The following RNF213 variants were observed in gnomAD, a reference collection of about 807,000 sequenced individuals.
RNF213 encodes E3 ubiquitin-protein ligase RNF213.
RNF213 carries 341 observed loss-of-function variants against 514.4 expected under a neutral mutation model. The observed-to-expected ratio is 0.66, with a 90% confidence interval of 0.61 to 0.73. The LOEUF is 0.73. RNF213 is among the 30% of genes least tolerant of loss of function. The pLI is 0.00. For synonymous variants in RNF213, 2,655 were observed against 2,658.2 expected (o/e 1.00, Z 0.04); for missense variants, 5,767 against 6,615.6 (o/e 0.87, Z 4.45).
At chr17:80,310,267 T>C (rs2045522195) in intron 14 of RNF213, among the ~76,000 whole-genome samples, 2 of 152,090 alleles carry the variant, frequency 1.3e-5, no homozygotes, top group Admixed American at 1.3e-4. Flanking sequence ...TGTTTGTTTT[T>C]TTGAGATGGA....
intron 2 of RNF213, among the ~76,000 whole-genome samples, chr17:80,272,887 G>A (rs896722202): frequency 2.0e-5 from 3 of 152,194 alleles, no homozygotes; most frequent in Non-Finnish European, 4.4e-5. Flanking sequence ...AATGTCTACA[G>A]TAGGGGAGGA....
At chr17:80,282,468 G>A (rs1357250671) in intron 3 of RNF213, among the ~76,000 whole-genome samples, 1 of 151,876 alleles carries the variant, frequency 6.6e-6, no homozygotes, top group Non-Finnish European at 1.5e-5. Flanking sequence ...GCACAATCTC[G>A]GCTCACTGCA....
chr17:80,332,703 T>C, intron 21 of RNF213, 72 bp downstream of exon 21: 1 of 1,431,770 alleles, frequency 7.0e-7, no homozygotes, highest in Non-Finnish European at 9.1e-7. Context: ...AGCCATGGGC[T>C]TTGTGGCTTT....
intron 51 of RNF213, 49 bp downstream of exon 51, chr17:80,375,919 G>A (rs2079737857): frequency 7.8e-7 from 1 of 1,274,948 alleles, no homozygotes; most frequent in Admixed American, 1.7e-5. Flanking sequence ...TATTTGGAGG[G>A]ATTTTATTGA....
chr17:80,340,531 G>C, intron 26 of RNF213, 175 bp downstream of exon 26: 1 of 621,800 alleles, frequency 1.6e-6, no homozygotes, highest in Non-Finnish European at 2.8e-6. Context: ...CTGGTCACCT[G>C]GTCTCCCACA....
intron 3 of RNF213, among the ~76,000 whole-genome samples, chr17:80,283,992 G>C (rs1348756148): frequency 6.6e-6 from 1 of 152,190 alleles, no homozygotes; most frequent in Admixed American, 6.5e-5. Flanking sequence ...GGGAGGCCGA[G>C]GTGGGTGGAT....
chr17:80,373,864 A>G (rs4523980), intron 49 of RNF213, among the ~76,000 whole-genome samples: 124,753 of 152,042 alleles, frequency 0.82, 51,857 homozygotes, highest in African/African-American at 0.9. Flanking sequence ...TTAGCTGGAC[A>G]TGATGGTGGG....
intron 17 of RNF213, among the ~76,000 whole-genome samples, chr17:80,323,530 A>AT (rs534769541): frequency 3.3e-4 from 49 of 148,294 alleles, no homozygotes; most frequent in Non-Finnish European, 5.5e-4. Flanking sequence ...ATTCAATTAG[A>AT]TTTTTTTTTT....
chr17:80,288,452 CG>C lies in RNF213; in HGVS notation c.810+95del. 6.3e-7 allele frequency: 1 copy of C among 1,598,440 alleles called. No individual in the cohort carries two copies. The highest frequency in any genetic ancestry group is 8.5e-7 in the Non-Finnish European group (1 of 1,172,228). On this transcript the variant is annotated intron_variant, in intron 4 of 67. Transcript: ENST00000582970. The surrounding 1 kb of genome is among the most constrained non-coding windows in gnomAD (Gnocchi z 4.9). ...CAAGGTGCTGGCGTTGCTTCCCTGCCGGGGGGAGGGGCGTCCTCTGGGCCCT... is the reference window on the plus strand; with the variant it reads ...CAAGGTGCTGGCGTTGCTTCCCTGCCGGGGGAGGGGCGTCCTCTGGGCCCT...
intron 42 of RNF213, among the ~76,000 whole-genome samples, chr17:80,366,187 C>T (rs375394552): frequency 6.6e-5 from 10 of 152,150 alleles, no homozygotes; most frequent in East Asian, 5.8e-4. Context: ...AGGAAGTTGT[C>T]GACGGAACTG....
chr17:80,282,302 C>G (rs959887703), intron 3 of RNF213, among the ~76,000 whole-genome samples: 5 of 152,182 alleles, frequency 3.3e-5, no homozygotes, highest in Non-Finnish European at 7.3e-5. Context: ...CTGTTTTCTT[C>G]CCCAGTATTT....
chr17:80,331,856 C>G (rs2046425629), intron 20 of RNF213, 150 bp from the exon 21 acceptor site: 1 of 899,214 alleles, frequency 1.1e-6, no homozygotes, highest in African/African-American at 1.7e-5. Context: ...GAGGGAAAGA[C>G]CTGTGAACTC....
chr17:80,272,036 G>C (rs1395012401), intron 2 of RNF213, among the ~76,000 whole-genome samples: 2 of 151,676 alleles, frequency 1.3e-5, no homozygotes, highest in African/African-American at 4.9e-5. Context: ...TGTAATCCCA[G>C]CACTTTGAGA....
intron 36 of RNF213, among the ~76,000 whole-genome samples, chr17:80,357,505 A>C (rs139888585): frequency 6.2e-4 from 95 of 152,344 alleles, no homozygotes; most frequent in African/African-American, 2.2e-3. Context: ...CTTCTTGTTT[A>C]GTTTGATCTG....
intron 2 of RNF213, among the ~76,000 whole-genome samples, chr17:80,272,956 T>G (rs1208978792): frequency 6.6e-6 from 1 of 151,796 alleles, no homozygotes; most frequent in Non-Finnish European, 1.5e-5. Context: ...TAGTACAGAG[T>G]CAGGTGAATC....
intron 44 of RNF213, among the ~76,000 whole-genome samples, chr17:80,368,433 GTT>G (rs5822349): frequency 8.8e-5 from 12 of 137,062 alleles, no homozygotes; most frequent in East Asian, 2.2e-4. Context: ...AGACGCCAGT[GTT>G]TTTTTTTTTT....
At chr17:80,381,313 C>A (rs1019477353) in intron 56 of RNF213, 12 of 612,236 alleles carry the variant, frequency 2.0e-5, no homozygotes, top group Middle Eastern at 4.4e-4. Context: ...CACTGCATAA[C>A]CAAGATGGCC....
At chr17:80,351,946 C>T (rs1258757009) in intron 32 of RNF213, 143 bp downstream of exon 32, 9 of 563,164 alleles carry the variant, frequency 1.6e-5, no homozygotes, top group Middle Eastern at 5.0e-4. Context: ...CCTCAATCTC[C>T]TGGGTTCAAG....
Position 80,309,495 on chromosome 17 carries a change from AGAC to A in RNF213, c.2655+328_2655+330del, listed in dbSNP as rs535975310. ...GGGGTCAGGCAACGCCACGCGGAGA[AGAC>A]GACTTTTCTTTTTTCTTGATTCTGT... is the stretch of plus-strand genomic sequence containing the variant. On this transcript the variant is annotated intron_variant, in intron 14 of 67. Transcript: ENST00000582970. Among the ~76,000 whole-genome samples, 7 of 152,306 alleles carry A rather than the reference AGAC, an allele frequency of 4.6e-5. No homozygotes were observed. In the South Asian group the frequency reaches 1.4e-3, roughly 32 times the overall value.
Sources: allele counts gnomAD v4.1 joint callset (sites outside exome capture counted in the v4.1 genomes callset), GRCh38; gene constraint gnomAD v4.1.1; non-coding constraint Gnocchi (gnomAD v3.1); transcripts MANE v1.5; gene names NCBI Gene and HGNC (gene_info 2026-07-23, HGNC 2026-07-21).